The following KMT2E variants were observed in gnomAD, a reference collection of about 807,000 sequenced individuals.
The protein encoded by KMT2E is histone reader KMT2E.
KMT2E carries 30 observed loss-of-function variants against 184.6 expected under a neutral mutation model. The ratio of observed to expected loss-of-function variants is 0.16; its 90% CI spans 0.12 to 0.22. The LOEUF is 0.22. Among genes scored for constraint, KMT2E ranks in the 10% least tolerant of loss-of-function variants. The pLI is 1.00. For missense variants in KMT2E, 2,023 were observed against 2,237.4 expected, an observed-to-expected ratio of 0.90 and a Z score of 1.93; for synonymous variants, 815 against 776.5, an observed-to-expected ratio of 1.05 and a Z score of -0.82.
chr7:105,014,207 A>G lies in KMT2E; in HGVS notation c.-517A>G, dbSNP rs541406148. On this transcript the variant is annotated 5_prime_UTR_variant, in exon 1 of 27. Coordinates refer to ENST00000311117, the MANE Select transcript of KMT2E (RefSeq NM_182931.3). ...GCCGCCGCCGCCGCCATTTTCCCAG[A>G]GCGAGAGGCAGTGACACTGAGCGGG... The G allele has an allele frequency of 1.0e-5, 2 of 199,416 alleles. No homozygotes were observed. The highest frequency in any genetic ancestry group is 1.5e-4 in the East Asian group (1 of 6,708). 12.4% of individuals were successfully genotyped at this position (199,416 alleles called of 1,614,324 possible). A position where few individuals can be genotyped will look rare whatever the true frequency, so the allele number is the denominator to read the frequency against.
At chr7:105,039,050 T>C (rs920105106) in intron 2 of KMT2E, 2 of 152,200 alleles carry the variant, frequency 1.3e-5, no homozygotes, top group Non-Finnish European at 2.9e-5. Context: ...TGTAGTCGTT[T>C]TTAATGACAC....
chr7:105,045,040 C>A (rs563452317), intron 3 of KMT2E, among the ~76,000 whole-genome samples: 2 of 152,336 alleles, frequency 1.3e-5, no homozygotes, highest in East Asian at 3.9e-4. Context: ...TCAATTTTAT[C>A]TGTTCCTCTA....
At chr7:105,108,620 G>A (rs1218580506) in intron 22 of KMT2E, 1 of 461,408 alleles carries the variant, frequency 2.2e-6, no homozygotes, top group Non-Finnish European at 4.3e-6. Flanking sequence ...ACCTAGGTTC[G>A]AATCCCGGCT....
At position 105,070,527 on chromosome 7, in the gene KMT2E, A is replaced by G. The variant is rs182126375; in HGVS notation, c.498-3092A>G. On this transcript the variant is annotated intron_variant, in intron 6 of 26. Coordinates refer to ENST00000311117, the MANE Select transcript of KMT2E (RefSeq NM_182931.3). ...CAGGTGCTTGTAATCCCAGCTACTC[A>G]GGAGGCTGAGGCATGAGAATTGCTT... Among the ~76,000 whole-genome samples the G allele has an allele frequency of 5.9e-3, 890 of 150,340 alleles. 5 individuals are homozygous for G. Among genetic ancestry groups the G allele is most frequent in the Non-Finnish European group, 0.01 (680 of 67,772 alleles).
At chr7:105,053,307 A>G (rs1373859645) in intron 3 of KMT2E, among the ~76,000 whole-genome samples, 2 of 152,174 alleles carry the variant, frequency 1.3e-5, no homozygotes, top group African/African-American at 2.4e-5. Flanking sequence ...AAATTGAGAC[A>G]TAACGTAGGA....
chr7:105,113,558 T>G lies in KMT2E; in HGVS notation c.*225T>G, dbSNP rs1259611779. On this transcript the variant is annotated 3_prime_UTR_variant, in exon 27 of 27. Coordinates refer to ENST00000311117, the MANE Select transcript of KMT2E (RefSeq NM_182931.3). ...ATTTTGTAAGTGAACATTCCAGCTG[T>G]TTTTTTCTGGCAGATCTGATGCTGA... is the stretch of plus-strand genomic sequence containing the variant. The G allele has an allele frequency of 1.3e-5, 6 of 469,726 alleles. No homozygotes were observed. Among genetic ancestry groups the G allele is most frequent in the African/African-American group, 1.2e-4 (6 of 50,084 alleles). 29.1% of individuals were successfully genotyped at this position (469,726 alleles called of 1,614,324 possible).
At position 105,097,787 on chromosome 7, in the gene KMT2E, CAGTT is replaced by C. The variant is rs1330077980; in HGVS notation, c.1723-3632_1723-3629del. Among the ~76,000 whole-genome samples, 3 of 152,148 alleles carry C rather than the reference CAGTT, an allele frequency of 2.0e-5. No homozygotes were observed. In the South Asian group the frequency reaches 6.2e-4, roughly 32 times the overall value. On this transcript the variant is annotated intron_variant, in intron 15 of 26. Coordinates refer to ENST00000311117, the MANE Select transcript of KMT2E (RefSeq NM_182931.3). ...ATTTCCAAAATTGTTGAAATGCTTC[CAGTT>C]AGTTACATGTCTTTAAGTAACGTGA...
rs1034453628 is a variant in KMT2E, at chr7:105,014,321, T to C, written c.-403T>C. On this transcript the variant is annotated 5_prime_UTR_variant, in exon 1 of 27. Coordinates refer to ENST00000311117, the MANE Select transcript of KMT2E (RefSeq NM_182931.3). ...CTCCGAGCAGCCTCGCCGTCGTCTC[T>C]GCGTTCCTGTTGACTGCCTGGCTGC... 6.4e-6 allele frequency: 1 copy of C among 156,082 alleles called. No individual in the cohort carries two copies. The highest frequency in any genetic ancestry group is 1.9e-4 in the East Asian group (1 of 5,326). The allele number at this position is 156,082 out of a possible 1,614,324, so 9.7% of individuals were successfully genotyped here. A position where few individuals can be genotyped will look rare whatever the true frequency, so the allele number is the denominator to read the frequency against.
At chr7:105,089,960 AGTTTT>A in intron 13 of KMT2E, 44 bp from the exon 14 acceptor site, 1 of 1,581,492 alleles carries the variant, frequency 6.3e-7, no homozygotes, top group Non-Finnish European at 8.6e-7. Flanking sequence ...GAAAATTTCC[AGTTTT>A]GTTTTATATT....
intron 1 of KMT2E, among the ~76,000 whole-genome samples, chr7:105,036,571 A>G (rs1485717335): frequency 6.6e-6 from 1 of 152,192 alleles, no homozygotes; most frequent in African/African-American, 2.4e-5. Context: ...TGAACTTTGG[A>G]CAAGTTTAAC....
chr7:105,109,342 A>T, intron 23 of KMT2E, 114 bp downstream of exon 23: 1 of 1,059,226 alleles, frequency 9.4e-7, no homozygotes, highest in Non-Finnish European at 1.3e-6. Context: ...TCACAATTTT[A>T]AAAGATTCTC....
chr7:105,049,453 AAAAT>A (rs1178961558), intron 3 of KMT2E, among the ~76,000 whole-genome samples: 3 of 152,050 alleles, frequency 2.0e-5, no homozygotes, highest in Non-Finnish European at 4.4e-5. Flanking sequence ...CAAAAAAAAA[AAAAT>A]AAAGTTCTAA....
chr7:105,056,461 T>C (rs527661613), intron 3 of KMT2E, among the ~76,000 whole-genome samples: 1 of 152,340 alleles, frequency 6.6e-6, no homozygotes, highest in Admixed American at 6.5e-5. Flanking sequence ...CTTTACATGC[T>C]ACTTGAAGAT....
rs1032182879 is a variant in KMT2E, at chr7:105,113,450, T to C, written c.*117T>C. 9.0e-7 allele frequency: 1 copy of C among 1,112,298 alleles called. No individual in the cohort carries two copies. Among genetic ancestry groups the C allele is most frequent in the Admixed American group, 3.2e-5 (1 of 31,316 alleles). 68.9% of individuals were successfully genotyped at this position (1,112,298 alleles called of 1,614,324 possible). A position where few individuals can be genotyped will look rare whatever the true frequency, so the allele number is the denominator to read the frequency against. On this transcript the variant is annotated 3_prime_UTR_variant, in exon 27 of 27. Coordinates refer to ENST00000311117, the MANE Select transcript of KMT2E (RefSeq NM_182931.3). ...TGAACCTTTGTATAAAAAACACCAGTGCTCTTTCGTTGTATTTTTCTCATT... is the reference window on the plus strand; with the variant it reads ...TGAACCTTTGTATAAAAAACACCAGCGCTCTTTCGTTGTATTTTTCTCATT...
Position 105,038,107 on chromosome 7 carries a change from A to G in KMT2E, c.-188-19A>G, listed in dbSNP as rs1341903353. 1 of 152,164 alleles carries G rather than the reference A, an allele frequency of 6.6e-6. No homozygotes were observed. The allele number at this position is 152,164 out of a possible 1,614,324, so 9.4% of individuals were successfully genotyped here. ...CATTTAAAAATAGCTCAAAACTCCT[A>G]TGTTCACTTGGTTTCTAGGTCTATT... On this transcript the variant is annotated intron_variant, in intron 1 of 26. Coordinates refer to ENST00000311117, the MANE Select transcript of KMT2E (RefSeq NM_182931.3).
intron 6 of KMT2E, 104 bp downstream of exon 6, chr7:105,066,911 G>A (rs1274128447): frequency 1.2e-6 from 1 of 857,026 alleles, no homozygotes; most frequent in Non-Finnish European, 1.9e-6. Flanking sequence ...ATGAATCACA[G>A]CCGGGCATGG....
At chr7:105,070,073 A>G (rs1002027805) in intron 6 of KMT2E, among the ~76,000 whole-genome samples, 6 of 152,042 alleles carry the variant, frequency 3.9e-5, no homozygotes, top group East Asian at 3.9e-4. Flanking sequence ...TCTTTAACCT[A>G]TTCACCCATT....
intron 15 of KMT2E, among the ~76,000 whole-genome samples, chr7:105,098,603 A>G (rs1213430694): frequency 6.6e-6 from 1 of 152,092 alleles, no homozygotes; most frequent in Non-Finnish European, 1.5e-5. Context: ...GGGTTTCACC[A>G]TGTTGGCCAG....
At chr7:105,093,351 G>A (rs1261073144) in intron 15 of KMT2E, among the ~76,000 whole-genome samples, 2 of 152,120 alleles carry the variant, frequency 1.3e-5, no homozygotes, top group Non-Finnish European at 2.9e-5. Context: ...CAATGTTAGT[G>A]GATCTTAGAA....
Sources: allele counts gnomAD v4.1 joint callset (sites outside exome capture counted in the v4.1 genomes callset), GRCh38; gene constraint gnomAD v4.1.1; transcripts MANE v1.5; gene names NCBI Gene and HGNC (gene_info 2026-07-23, HGNC 2026-07-21).